The following SEMA3C variants were observed in gnomAD, a reference collection of about 807,000 sequenced individuals.
SEMA3C encodes the protein semaphorin 3C.
In SEMA3C, 47 loss-of-function variants were observed where a neutral mutation model predicts 89.4. The ratio of observed to expected loss-of-function variants is 0.53; its 90% CI spans 0.42 to 0.67. The LOEUF (loss-of-function observed/expected upper bound fraction) is 0.67. Among genes scored for constraint, SEMA3C ranks in the 30% least tolerant of loss-of-function variants. The probability of loss-of-function intolerance (pLI) is 0.00; values close to 1 mark genes in which losing one functional copy is unlikely to be tolerated. For synonymous variants in SEMA3C, 310 were observed against 320.2 expected (o/e 0.97, Z 0.34); for missense variants, 839 against 929.1 (o/e 0.90, Z 1.26).
At chr7:80,747,363 T>C (rs1370359843) in intron 17 of SEMA3C, among the ~76,000 whole-genome samples, 4 of 152,156 alleles carry the variant, frequency 2.6e-5, no homozygotes, top group Admixed American at 6.6e-5. Flanking sequence ...TTTTAAATCA[T>C]AGATGTTATA....
intron 15 of SEMA3C, among the ~76,000 whole-genome samples, chr7:80,754,073 G>T (rs771224077): frequency 5.4e-4 from 82 of 152,114 alleles, no homozygotes; most frequent in Non-Finnish European, 7.2e-4. Flanking sequence ...GAGTAGTTGG[G>T]ATTACAGGCA....
intron 2 of SEMA3C, among the ~76,000 whole-genome samples, chr7:80,863,832 GATATAT>G (rs201166330): frequency 9.9e-6 from 1 of 100,776 alleles, no homozygotes; most frequent in African/African-American, 5.3e-5. Flanking sequence ...TGTGATATGT[GATATAT>G]ATATCACATA....
At chr7:80,880,732 C>A (rs1333619431) in intron 2 of SEMA3C, among the ~76,000 whole-genome samples, 2 of 152,144 alleles carry the variant, frequency 1.3e-5, no homozygotes, top group Non-Finnish European at 2.9e-5. Flanking sequence ...CCAGATCAGC[C>A]TGGCCACCAT....
At chr7:80,837,342 T>C (rs1053281225) in intron 2 of SEMA3C, among the ~76,000 whole-genome samples, 3 of 152,202 alleles carry the variant, frequency 2.0e-5, no homozygotes, top group Non-Finnish European at 4.4e-5. Flanking sequence ...AAAAACAGAA[T>C]ACTATAAATA....
intron 4 of SEMA3C, among the ~76,000 whole-genome samples, chr7:80,825,095 T>G (rs1192944523): frequency 1.3e-5 from 2 of 152,200 alleles, no homozygotes; most frequent in African/African-American, 4.8e-5. Flanking sequence ...TTCTTAAGTA[T>G]GTCGTTTCAT....
chr7:80,800,872 CTTT>C (rs781664222), intron 9 of SEMA3C, 46 bp from the exon 10 acceptor site: 24 of 1,296,720 alleles, frequency 1.9e-5, no homozygotes, highest in Middle Eastern at 2.0e-4. Context: ...ATATTAACTT[CTTT>C]GTTTTGAAAA....
intron 9 of SEMA3C, 28 bp downstream of exon 9, chr7:80,802,637 A>C: frequency 6.9e-7 from 1 of 1,459,516 alleles, no homozygotes; most frequent in East Asian, 2.3e-5. Flanking sequence ...TTCTTTCAGA[A>C]GCATTTTTCA....
rs552185799 is a variant in SEMA3C at position 80,826,630 on chromosome 7, G to C, written c.327+795C>G. 3.9e-5 allele frequency among the ~76,000 whole-genome samples: 6 copies of C among 152,198 alleles called. No individual in the cohort carries two copies. The East Asian group carries it at 1.2e-3, about 29-fold the overall frequency. ...ATAATGGAAGGAATGAATGAAGAAAGGAACCTCTTTACCAAACTATTTTTG... is the reference window on the plus strand; with the variant it reads ...ATAATGGAAGGAATGAATGAAGAAACGAACCTCTTTACCAAACTATTTTTG... On this transcript the variant is annotated intron_variant, in intron 4 of 17. Coordinates refer to ENST00000265361, the MANE Select transcript of SEMA3C (RefSeq NM_006379.5).
chr7:80,745,090 G>A lies in SEMA3C; in HGVS notation c.2060C>T (p.Pro687Leu). ...CCCCATGATGTCCTTCGGGTGGAAG[G>A]GTAAAGCCCTCACAGAGCTGGCCCA... The part of the protein sequence containing the change: ...WTWASSVRAL[P>L]FHPKDIMGAF... The change falls in exon 18 of 18, where the codon CCC (proline) becomes CTC (leucine). Residue 687 changes from proline to leucine, a missense_variant. Transcript: ENST00000265361. 6.2e-7 allele frequency: 1 copy of A among 1,614,020 alleles called. No homozygotes were observed. Among genetic ancestry groups the A allele is most frequent in the Non-Finnish European group, 8.5e-7 (1 of 1,179,974 alleles).
chr7:80,844,175 C>T (rs1383789611), intron 2 of SEMA3C, among the ~76,000 whole-genome samples: 2 of 152,096 alleles, frequency 1.3e-5, no homozygotes, highest in East Asian at 1.9e-4. Context: ...AGTATAGCTG[C>T]AGTCTTCAAA....
At chr7:80,848,620 T>G (rs1273451523) in intron 2 of SEMA3C, among the ~76,000 whole-genome samples, 1 of 152,148 alleles carries the variant, frequency 6.6e-6, no homozygotes, top group Non-Finnish European at 1.5e-5. Flanking sequence ...GTCCCATCCC[T>G]CTTCCAGTTT....
intron 2 of SEMA3C, among the ~76,000 whole-genome samples, chr7:80,909,418 T>C (rs548055279): frequency 6.6e-6 from 1 of 150,984 alleles, no homozygotes; most frequent in South Asian, 2.1e-4. Context: ...CAATCTTGTA[T>C]TCAAAATTCA....
intron 7 of SEMA3C, 84 bp from the exon 8 acceptor site, chr7:80,804,332 T>C: frequency 1.1e-6 from 1 of 906,296 alleles, no homozygotes; most frequent in Non-Finnish European, 1.6e-6. Flanking sequence ...GGCAGATGCC[T>C]TCCCCATCTT....
rs769570800 is a variant in SEMA3C at position 80,798,250 on chromosome 7, C to T, written c.987-14G>A. On this transcript the variant is annotated splice_polypyrimidine_tract_variant and intron_variant, in intron 10 of 17. Transcript: ENST00000265361. ...TTGAAAACTGAGCTAAAAAAGAAAA[C>T]AGAAAAAGGCATTTTCAAATTTTTA... The T allele has an allele frequency of 3.6e-6, 5 of 1,405,210 alleles. No homozygotes were observed. In the African/African-American group the frequency reaches 7.5e-5, roughly 21 times the overall value. 87.0% of individuals were successfully genotyped at this position (1,405,210 alleles called of 1,614,324 possible).
At chr7:80,811,329 A>C (rs1439171711) in intron 5 of SEMA3C, among the ~76,000 whole-genome samples, 2 of 152,160 alleles carry the variant, frequency 1.3e-5, no homozygotes, top group African/African-American at 4.8e-5. Flanking sequence ...ATAACCTAGT[A>C]AGAAAGGTAA....
rs568161090 is a variant in SEMA3C, at chr7:80,814,243, C to T, written c.448-3542G>A. On this transcript the variant is annotated intron_variant, in intron 5 of 17. Transcript: ENST00000265361. ...AGCTGGGACTACAGGTACCTGCCAC[C>T]ACGCCCAGCTAATTTTTTGTATTTT... is the stretch of plus-strand genomic sequence containing the variant. Among the ~76,000 whole-genome samples, 253 of 152,158 alleles carry T rather than the reference C, an allele frequency of 1.7e-3. 1 individual carries two copies. Among genetic ancestry groups the T allele is most frequent in the African/African-American group, 5.6e-3 (233 of 41,514 alleles).
intron 2 of SEMA3C, chr7:80,847,430 G>T (rs1378270633): frequency 6.6e-6 from 1 of 152,118 alleles, no homozygotes; most frequent in Non-Finnish European, 1.5e-5. Context: ...CTTAACATTA[G>T]ATTTGGTAGA....
chr7:80,750,753 T>A (rs1366352819), intron 16 of SEMA3C, among the ~76,000 whole-genome samples: 1 of 151,620 alleles, frequency 6.6e-6, no homozygotes, highest in East Asian at 1.9e-4. Flanking sequence ...GAGGTAATGG[T>A]TAGGTGGTAT....
intron 5 of SEMA3C, among the ~76,000 whole-genome samples, chr7:80,813,662 C>G (rs989797495): frequency 8.5e-5 from 13 of 152,110 alleles, no homozygotes; most frequent in African/African-American, 3.1e-4. Context: ...TTTTAGGCAC[C>G]TTAGATTTCC....
Sources: gnomAD v4.1 joint callset for allele counts (sites outside exome capture counted in the v4.1 genomes callset) on GRCh38, gnomAD v4.1.1 for gene constraint, MANE v1.5 for transcripts, NCBI Gene and HGNC (gene_info 2026-07-23, HGNC 2026-07-21) for gene names.